MCC: variants seen among roughly 807,000 people sequenced by gnomAD.
MCC encodes the protein MCC regulator of Wnt signaling pathway.
MCC carries 90 observed loss-of-function variants against 116.2 expected under a neutral mutation model. The ratio of observed to expected loss-of-function variants is 0.77; its 90% CI spans 0.65 to 0.92. The LOEUF (loss-of-function observed/expected upper bound fraction) is 0.92, where lower values mean the gene tolerates loss of function less well. MCC is among the 40% of genes least tolerant of loss of function. The pLI is 0.00. For synonymous variants in MCC, 578 were observed against 510.5 expected (o/e 1.13, Z -1.78); for missense variants, 1,516 against 1,312.2 (o/e 1.16, Z -2.40).
intron 1 of MCC, among the ~76,000 whole-genome samples, chr5:113,431,086 T>A (rs745959090): frequency 3.3e-5 from 5 of 151,668 alleles, no homozygotes; most frequent in Non-Finnish European, 5.9e-5. Flanking sequence ...GAGTAGGAAG[T>A]GAGATTATCT....
chr5:113,176,775 C>T (rs1254831684), intron 3 of MCC, among the ~76,000 whole-genome samples: 2 of 152,282 alleles, frequency 1.3e-5, no homozygotes, highest in South Asian at 2.1e-4. Flanking sequence ...TTGAATTCTT[C>T]CTCCACGTCC....
rs557513816 is a variant in MCC, at chr5:113,148,276, T to C, written c.741+3033A>G. Among the ~76,000 whole-genome samples the C allele has an allele frequency of 2.0e-5, 3 of 152,360 alleles. No individual in the cohort carries two copies. The East Asian group carries it at 5.8e-4, about 29-fold the overall frequency. On this transcript the variant is annotated intron_variant, in intron 4 of 18. Coordinates refer to ENST00000408903, the MANE Select transcript of MCC (RefSeq NM_001085377.2). Reference sequence around the variant, plus strand: ...CCAGTAAGTTTATGGCAATTTATTATACAGCAATAGAAAATTAATACAGAA... The same window carrying C: ...CCAGTAAGTTTATGGCAATTTATTACACAGCAATAGAAAATTAATACAGAA...
intron 3 of MCC, among the ~76,000 whole-genome samples, chr5:113,271,467 G>C (rs1014529373): frequency 2.6e-5 from 4 of 152,202 alleles, no homozygotes; most frequent in African/African-American, 9.6e-5. Context: ...CTTTAGTAAA[G>C]AATTTCCTAG....
At chr5:113,309,929 C>T (rs1324562415) in intron 3 of MCC, among the ~76,000 whole-genome samples, 2 of 150,624 alleles carry the variant, frequency 1.3e-5, no homozygotes, top group Non-Finnish European at 3.0e-5. Context: ...TCCCTCCCTC[C>T]CTCCCTCTCT....
intron 2 of MCC, among the ~76,000 whole-genome samples, chr5:113,354,173 GCAGA>G (rs536627220): frequency 2.1e-4 from 32 of 152,118 alleles, no homozygotes; most frequent in Non-Finnish European, 4.1e-4. Flanking sequence ...TCACTGTCTA[GCAGA>G]CAGAGAGTAT....
intron 3 of MCC, among the ~76,000 whole-genome samples, chr5:113,221,514 G>A (rs1430977831): frequency 1.3e-5 from 2 of 152,232 alleles, no homozygotes; most frequent in African/African-American, 4.8e-5. Context: ...CATAAGATTA[G>A]AAATTATGGT....
At chr5:113,320,803 G>C (rs1200774388) in intron 3 of MCC, among the ~76,000 whole-genome samples, 1 of 152,196 alleles carries the variant, frequency 6.6e-6, no homozygotes, top group Non-Finnish European at 1.5e-5. Flanking sequence ...ATATAGGTGA[G>C]ATCTTGCTCT....
intron 2 of MCC, among the ~76,000 whole-genome samples, chr5:113,359,391 C>A (rs1380497110): frequency 1.3e-5 from 2 of 152,240 alleles, no homozygotes; most frequent in Non-Finnish European, 2.9e-5. Flanking sequence ...GTGAGTTCAG[C>A]AATCCTTGAT....
At chr5:113,450,665 T>C (rs1771365943) in intron 1 of MCC, among the ~76,000 whole-genome samples, 1 of 152,206 alleles carries the variant, frequency 6.6e-6, no homozygotes, top group Non-Finnish European at 1.5e-5. Flanking sequence ...AGAGCTGATT[T>C]TGGATTTCTT....
At chr5:113,240,077 A>G (rs1372920459) in intron 3 of MCC, among the ~76,000 whole-genome samples, 1 of 152,124 alleles carries the variant, frequency 6.6e-6, no homozygotes, top group Non-Finnish European at 1.5e-5. Context: ...TTCATAAGTG[A>G]TTATACTTTC....
In MCC at chr5:113,236,051, C is replaced by T. The variant is rs576883505; in HGVS notation, c.628-84629G>A. 5.3e-5 allele frequency among the ~76,000 whole-genome samples: 8 copies of T among 152,296 alleles called. 1 individual carries two copies. Among genetic ancestry groups the T allele is most frequent in the African/African-American group, 4.8e-5 (2 of 41,570 alleles). ...CGGATTTCCTCATGTTCAGGTTGGG[C>T]CCCTTGGGTGCCTTTGAAGAGTAAA... is the stretch of plus-strand genomic sequence containing the variant. On this transcript the variant is annotated intron_variant, in intron 3 of 18. Transcript: ENST00000408903.
Position 113,457,504 on chromosome 5 carries a change from G to C in MCC, c.170+30741C>G, listed in dbSNP as rs1033233864. On this transcript the variant is annotated intron_variant, in intron 1 of 18. Coordinates refer to ENST00000408903, the MANE Select transcript of MCC (RefSeq NM_001085377.2). ...CTGCTCCACGGCACCCAGTCCCATC[G>C]ATCACCCAAGCGCTGAGGAGTGCGA... is the stretch of plus-strand genomic sequence containing the variant. Among the ~76,000 whole-genome samples, 6 of 152,194 alleles carry C rather than the reference G, an allele frequency of 3.9e-5. No individual in the cohort carries two copies. The East Asian group carries it at 5.8e-4, about 15-fold the overall frequency.
chr5:113,291,561 T>C (rs1006343397), intron 3 of MCC, among the ~76,000 whole-genome samples: 1 of 152,166 alleles, frequency 6.6e-6, no homozygotes, highest in Non-Finnish European at 1.5e-5. Flanking sequence ...TTCCTACCCC[T>C]GAAATGCCTA....
chr5:113,174,859 G>C (rs1761250565), intron 3 of MCC, among the ~76,000 whole-genome samples: 1 of 152,116 alleles, frequency 6.6e-6, no homozygotes, highest in Non-Finnish European at 1.5e-5. Flanking sequence ...AAAGTGCTGG[G>C]ATTACAGGAG....
chr5:113,104,142 T>C (rs1201474011), intron 7 of MCC, 50 bp downstream of exon 7: 2 of 1,520,328 alleles, frequency 1.3e-6, no homozygotes, highest in South Asian at 2.5e-5. Context: ...GATTGGACCA[T>C]TTCCCTTTCA....
chr5:113,207,466 T>TGG (rs35943885), intron 3 of MCC, among the ~76,000 whole-genome samples: 1 of 4,516 alleles, frequency 2.2e-4, no homozygotes, highest in African/African-American at 8.7e-4. Context: ...GGGTGGGGGG[T>TGG]GGGGTGGGCG....
intron 3 of MCC, among the ~76,000 whole-genome samples, chr5:113,302,397 C>T (rs1766884946): frequency 6.6e-6 from 1 of 152,120 alleles, no homozygotes; most frequent in Non-Finnish European, 1.5e-5. Context: ...AAAGACATAT[C>T]GACCAATGGC....
intron 1 of MCC, among the ~76,000 whole-genome samples, chr5:113,486,293 G>T (rs348952): frequency 0.69 from 104,791 of 152,088 alleles, 36,522 homozygotes; most frequent in East Asian, 0.88. Flanking sequence ...TGCAGCTCAA[G>T]GAATGTTAAC....
chr5:113,194,825 T>A (rs1158444682), intron 3 of MCC, among the ~76,000 whole-genome samples: 1 of 152,204 alleles, frequency 6.6e-6, no homozygotes, highest in Non-Finnish European at 1.5e-5. Context: ...CCTCGAGGAC[T>A]CATTGTGAAA....
Sources: allele counts gnomAD v4.1 joint callset (sites outside exome capture counted in the v4.1 genomes callset), GRCh38; gene constraint gnomAD v4.1.1; transcripts MANE v1.5; gene names NCBI Gene and HGNC (gene_info 2026-07-23, HGNC 2026-07-21).